The following SEC22A variants were observed in gnomAD, a reference collection of about 807,000 sequenced individuals.
SEC22A encodes vesicle-trafficking protein SEC22a.
Under a neutral mutation model 35.3 loss-of-function variants are expected in SEC22A, and 22 were observed. That is an observed-to-expected ratio of 0.62 (90% CI 0.45 to 0.89). SEC22A has a LOEUF of 0.89. SEC22A is among the 40% of genes least tolerant of loss of function. The pLI is 0.00. For synonymous variants in SEC22A, 119 were observed against 129.5 expected, an observed-to-expected ratio of 0.92 and a Z score of 0.55; for missense variants, 354 against 362.5, an observed-to-expected ratio of 0.98 and a Z score of 0.19.
intron 5 of SEC22A, among the ~76,000 whole-genome samples, chr3:123,250,140 G>A (rs554233123): frequency 3.9e-5 from 6 of 152,064 alleles, no homozygotes; most frequent in Non-Finnish European, 8.8e-5. Flanking sequence ...GGCTGGGCAC[G>A]GTGGCTCGCA....
chr3:123,213,909 T>C (rs1936981018), intron 2 of SEC22A, among the ~76,000 whole-genome samples: 1 of 151,962 alleles, frequency 6.6e-6, no homozygotes, highest in Non-Finnish European at 1.5e-5. Flanking sequence ...TTAGGCTGGG[T>C]CTGGTGGCTC....
intron 3 of SEC22A, among the ~76,000 whole-genome samples, chr3:123,224,606 G>C (rs1192053974): frequency 1.3e-5 from 2 of 152,032 alleles, no homozygotes; most frequent in Non-Finnish European, 2.9e-5. Flanking sequence ...GACCACCCTG[G>C]GCAACATAGA....
At chr3:123,269,719 G>A (rs146785879) in intron 6 of SEC22A, among the ~76,000 whole-genome samples, 4,788 of 133,778 alleles carry the variant, frequency 0.036, 101 homozygotes, top group African/African-American at 0.059. Context: ...TGCAACCTCC[G>A]CCTCCCAGGT....
chr3:123,258,230 T>G (rs1340911490), intron 5 of SEC22A, among the ~76,000 whole-genome samples: 2 of 152,146 alleles, frequency 1.3e-5, no homozygotes, highest in African/African-American at 4.8e-5. Context: ...AAAGTATCAA[T>G]CTATTTTTTA....
At chr3:123,214,753 CTCTT>C (rs1262360195) in intron 2 of SEC22A, among the ~76,000 whole-genome samples, 5 of 152,148 alleles carry the variant, frequency 3.3e-5, no homozygotes, top group African/African-American at 9.7e-5. Flanking sequence ...ATTTTGAAAT[CTCTT>C]TATTTAAACA....
intron 2 of SEC22A, among the ~76,000 whole-genome samples, chr3:123,220,867 C>CATTCATATATATATATATAT (rs1937107960): frequency 1.0e-5 from 1 of 97,530 alleles, no homozygotes; most frequent in Non-Finnish European, 2.3e-5. Flanking sequence ...AAAAAGGTCT[C>CATTCATATATATATATATAT]ATATATATAT....
intron 5 of SEC22A, among the ~76,000 whole-genome samples, chr3:123,254,935 C>T (rs1402587119): frequency 6.6e-6 from 1 of 150,728 alleles, no homozygotes; most frequent in Non-Finnish European, 1.5e-5. Context: ...TTCCTGTGTC[C>T]AAGTGTTCTC....
At chr3:123,261,376 G>A (rs912304750) in intron 6 of SEC22A, among the ~76,000 whole-genome samples, 6 of 152,142 alleles carry the variant, frequency 3.9e-5, no homozygotes, top group African/African-American at 1.4e-4. Flanking sequence ...GACAGTTTCA[G>A]TACTGTCCTG....
intron 1 of SEC22A, among the ~76,000 whole-genome samples, chr3:123,206,752 G>C (rs1576481535): frequency 6.6e-6 from 1 of 152,156 alleles, no homozygotes; most frequent in East Asian, 1.9e-4. Flanking sequence ...AGACTCCACT[G>C]TAGTAAAAAG....
chr3:123,264,229 T>C (rs151213000), intron 6 of SEC22A, among the ~76,000 whole-genome samples: 2 of 152,362 alleles, frequency 1.3e-5, no homozygotes, highest in African/African-American at 4.8e-5. Flanking sequence ...TATTGAAGGA[T>C]ATATGAGTTG....
chr3:123,202,712 C>T (rs1179582779), intron 1 of SEC22A, among the ~76,000 whole-genome samples: 1 of 152,150 alleles, frequency 6.6e-6, no homozygotes, highest in Admixed American at 6.5e-5. Context: ...CTGGATCATC[C>T]ACCTGGGGCA....
intron 4 of SEC22A, among the ~76,000 whole-genome samples, chr3:123,236,089 T>C (rs1937414757): frequency 1.3e-5 from 2 of 152,140 alleles, no homozygotes; most frequent in South Asian, 4.1e-4. Flanking sequence ...TAAGATTTCT[T>C]TTGGGGGTGA....
chr3:123,265,820 T>C (rs1938011658), intron 6 of SEC22A, among the ~76,000 whole-genome samples: 1 of 151,998 alleles, frequency 6.6e-6, no homozygotes, highest in South Asian at 2.1e-4. Flanking sequence ...ATTAAATTGC[T>C]TTTGCACCTT....
intron 1 of SEC22A, among the ~76,000 whole-genome samples, chr3:123,204,067 A>G (rs1267673505): frequency 2.0e-5 from 3 of 152,188 alleles, no homozygotes; most frequent in Non-Finnish European, 2.9e-5. Context: ...ATAAAATAAT[A>G]TGTACCATAT....
intron 1 of SEC22A, among the ~76,000 whole-genome samples, chr3:123,203,057 T>C: frequency 2.7e-5 from 2 of 75,362 alleles, no homozygotes; most frequent in Admixed American, 1.3e-4. Context: ...TAGTGCCTTT[T>C]TTTTTTTTTT....
intron 6 of SEC22A, among the ~76,000 whole-genome samples, chr3:123,266,083 T>C (rs1022167124): frequency 6.6e-6 from 1 of 152,218 alleles, no homozygotes; most frequent in African/African-American, 2.4e-5. Flanking sequence ...TTTATGTGTT[T>C]AGAGTTGGTT....
chr3:123,266,244 G>A (rs1245188105), intron 6 of SEC22A, among the ~76,000 whole-genome samples: 2 of 144,686 alleles, frequency 1.4e-5, no homozygotes, highest in Non-Finnish European at 3.1e-5. Flanking sequence ...CCAGATCTTT[G>A]TTTTATTGTT....
intron 5 of SEC22A, among the ~76,000 whole-genome samples, chr3:123,254,089 TAAA>T (rs1365970210): frequency 6.6e-6 from 1 of 152,194 alleles, no homozygotes; most frequent in Admixed American, 6.5e-5. Flanking sequence ...CACTTAATAT[TAAA>T]AAGTAAATAT....
intron 4 of SEC22A, among the ~76,000 whole-genome samples, chr3:123,238,607 A>G (rs923473081): frequency 1.3e-5 from 2 of 152,248 alleles, no homozygotes; most frequent in Non-Finnish European, 2.9e-5. Flanking sequence ...GAACTTCTAA[A>G]TAAAACTATT....
Sources: allele counts gnomAD v4.1 joint callset (sites outside exome capture counted in the v4.1 genomes callset), GRCh38; gene constraint gnomAD v4.1.1; transcripts MANE v1.5; gene names NCBI Gene and HGNC (gene_info 2026-07-23, HGNC 2026-07-21).